Variants in STK3 observed in about 807,000 individuals in gnomAD.
STK3 encodes serine/threonine-protein kinase 3.
STK3 carries 41 observed loss-of-function variants against 58.0 expected under a neutral mutation model. That is an observed-to-expected ratio of 0.71 (90% CI 0.55 to 0.92). The LOEUF (loss-of-function observed/expected upper bound fraction) is 0.92. STK3 is among the 40% of genes least tolerant of loss of function. The probability of loss-of-function intolerance (pLI) is 0.00; values close to 1 mark genes in which losing one functional copy is unlikely to be tolerated. For synonymous variants in STK3, 170 were observed against 191.0 expected, an observed-to-expected ratio of 0.89 and a Z score of 0.91; for missense variants, 479 against 602.7, an observed-to-expected ratio of 0.79 and a Z score of 2.15.
At chr8:98,519,284 CA>C (rs1825174965) in intron 10 of STK3, among the ~76,000 whole-genome samples, 1 of 148,548 alleles carries the variant, frequency 6.7e-6, no homozygotes, top group Non-Finnish European at 1.5e-5. Flanking sequence ...ACTGGTAAAA[CA>C]AACAAACAAA....
chr8:98,874,593 A>G (rs1346696464), intron 3 of STK3, among the ~76,000 whole-genome samples: 1 of 149,668 alleles, frequency 6.7e-6, no homozygotes, highest in Admixed American at 6.6e-5. Flanking sequence ...ATATATAAAC[A>G]TATATATATA....
At chr8:98,382,819 C>T (rs1246791331) in intron 1 of STK3, among the ~76,000 whole-genome samples, 1 of 152,198 alleles carries the variant, frequency 6.6e-6, no homozygotes, top group Non-Finnish European at 1.5e-5. Flanking sequence ...ACGGCCGGTT[C>T]CTGGAATCCC....
In STK3 at chr8:98,767,402, T is replaced by C. The variant is rs529663337; in HGVS notation, c.108-31A>G. ...AGAAACCAAGACATTATTTTTTTCC[T>C]ATCAAACATCGTAACTATAAGATTA... On this transcript the variant is annotated intron_variant, in intron 2 of 10. Coordinates refer to ENST00000419617, the MANE Select transcript of STK3 (RefSeq NM_006281.4). 4.0e-4 allele frequency: 622 copies of C among 1,554,166 alleles called. 1 individual carries two copies. The South Asian group carries it at 7.3e-3, about 18-fold the overall frequency.
At chr8:98,823,901 C>A (rs76170619) in intron 1 of STK3, among the ~76,000 whole-genome samples, 7,047 of 152,124 alleles carry the variant, frequency 0.046, 176 homozygotes, top group African/African-American at 0.06. Flanking sequence ...GACCTCAAAA[C>A]GAGTAGCTAT....
chr8:98,878,533 C>T (rs952648211), intron 3 of STK3, among the ~76,000 whole-genome samples: 6 of 152,184 alleles, frequency 3.9e-5, no homozygotes, highest in East Asian at 3.9e-4. Flanking sequence ...CCATTTTTCC[C>T]GCCAAACCAC....
chr8:98,583,680 T>G (rs913578319), intron 7 of STK3, among the ~76,000 whole-genome samples: 1 of 152,204 alleles, frequency 6.6e-6, no homozygotes, highest in Admixed American at 6.5e-5. Flanking sequence ...GGCAGCTTCT[T>G]GCGTCTTTCC....
At chr8:98,746,322 G>T (rs1465287848) in intron 4 of STK3, among the ~76,000 whole-genome samples, 1 of 152,072 alleles carries the variant, frequency 6.6e-6, no homozygotes, top group Non-Finnish European at 1.5e-5. Flanking sequence ...AAAAACAAGA[G>T]AAACAATATA....
intron 1 of STK3, among the ~76,000 whole-genome samples, chr8:98,386,325 T>TATCA (rs754208585): frequency 5.3e-5 from 8 of 152,194 alleles, no homozygotes; most frequent in Non-Finnish European, 1.2e-4. Flanking sequence ...CCCAAATGCC[T>TATCA]ATCAGTAGGA....
intron 1 of STK3, among the ~76,000 whole-genome samples, chr8:98,930,603 G>A (rs1839971310): frequency 6.6e-6 from 1 of 152,148 alleles, no homozygotes; most frequent in South Asian, 2.1e-4. Flanking sequence ...GTAGAATTAA[G>A]ATGTTTACAT....
intron 6 of STK3, among the ~76,000 whole-genome samples, chr8:98,617,880 AG>A (rs1484815313): frequency 6.6e-6 from 1 of 152,162 alleles, no homozygotes; most frequent in Admixed American, 6.6e-5. Context: ...ATTCTACCAG[AG>A]GTACAAGGAG....
At chr8:98,738,781 G>T (rs1452277342) in intron 4 of STK3, among the ~76,000 whole-genome samples, 1 of 152,246 alleles carries the variant, frequency 6.6e-6, no homozygotes, top group South Asian at 2.1e-4. Context: ...CCTAAGCAGG[G>T]CGAGGCATTG....
At chr8:98,772,678 G>A (rs759216987) in intron 2 of STK3, among the ~76,000 whole-genome samples, 4 of 151,992 alleles carry the variant, frequency 2.6e-5, no homozygotes, top group African/African-American at 4.8e-5. Context: ...GCTGGATGAC[G>A]AGAGTGAAAC....
chr8:98,708,959 C>A (rs549150180), intron 4 of STK3, among the ~76,000 whole-genome samples: 1 of 151,856 alleles, frequency 6.6e-6, no homozygotes, highest in East Asian at 2.0e-4. Context: ...GCCGAAAAAA[C>A]CAACCAAGTG....
intron 6 of STK3, among the ~76,000 whole-genome samples, chr8:98,622,737 T>C (rs903730987): frequency 4.6e-5 from 7 of 152,212 alleles, no homozygotes; most frequent in Non-Finnish European, 8.8e-5. Context: ...TATTAAACTT[T>C]TATTACAATA....
downstream of STK3, among the ~76,000 whole-genome samples, chr8:98,451,724 A>G (rs992346152): frequency 6.6e-6 from 1 of 152,126 alleles, no homozygotes; most frequent in African/African-American, 2.4e-5. Flanking sequence ...GTTTGTATGG[A>G]ACAGGGCAAA....
intron 10 of STK3, among the ~76,000 whole-genome samples, chr8:98,466,043 A>T (rs1273117375): frequency 6.6e-6 from 1 of 152,202 alleles, no homozygotes; most frequent in African/African-American, 2.4e-5. Flanking sequence ...ATCTTTCTGG[A>T]TCTATTAAGG....
intron 4 of STK3, among the ~76,000 whole-genome samples, chr8:98,738,235 T>C (rs1828790190): frequency 6.6e-6 from 1 of 152,082 alleles, no homozygotes; most frequent in South Asian, 2.1e-4. Flanking sequence ...CTCAACACTT[T>C]AGATGACCGG....
intron 6 of STK3, among the ~76,000 whole-genome samples, chr8:98,654,781 C>T (rs1035330652): frequency 2.0e-4 from 31 of 152,028 alleles, no homozygotes; most frequent in Admixed American, 7.9e-4. Flanking sequence ...TTAAAAGGGA[C>T]GTGAAGGACC....
chr8:98,464,540 T>TTAAAA (rs71572015), intron 10 of STK3, among the ~76,000 whole-genome samples: 3 of 69,214 alleles, frequency 4.3e-5, no homozygotes, highest in African/African-American at 1.7e-4. Flanking sequence ...TACTTAAAGT[T>TTAAAA]AAAAAAAAAA....
Sources: gnomAD v4.1 joint callset for allele counts (sites outside exome capture counted in the v4.1 genomes callset) on GRCh38, gnomAD v4.1.1 for gene constraint, MANE v1.5 for transcripts, NCBI Gene and HGNC (gene_info 2026-07-23, HGNC 2026-07-21) for gene names.